PRKD2: variants seen among roughly 807,000 people sequenced by gnomAD.
PRKD2 encodes serine/threonine-protein kinase D2.
A neutral mutation model predicts 86.0 loss-of-function variants in PRKD2; 22 were observed. That is an observed-to-expected ratio of 0.26 (90% confidence interval 0.18 to 0.37). PRKD2 has a LOEUF of 0.37. Among genes scored for constraint, PRKD2 ranks in the 10% least tolerant of loss-of-function variants. The probability of loss-of-function intolerance (pLI) is 1.00; values close to 1 mark genes in which losing one functional copy is unlikely to be tolerated. For missense variants in PRKD2, 818 were observed against 1,199.2 expected, an observed-to-expected ratio of 0.68 and a Z score of 4.70; for synonymous variants, 509 against 510.9, an observed-to-expected ratio of 1.00 and a Z score of 0.05.
chr19:46,706,266 C>G (rs1030710542), intron 3 of PRKD2, among the ~76,000 whole-genome samples: 1 of 152,174 alleles, frequency 6.6e-6, no homozygotes, highest in Non-Finnish European at 1.5e-5. Flanking sequence ...CCAGTGATTC[C>G]AAACGATTCC....
intron 16 of PRKD2, among the ~76,000 whole-genome samples, chr19:46,677,837 G>A (rs1393916699): frequency 1.3e-5 from 2 of 152,094 alleles, no homozygotes; most frequent in Non-Finnish European, 2.9e-5. Flanking sequence ...CCACGGCCAC[G>A]TCCCTAGACT....
Position 46,716,331 on chromosome 19 carries a change from A to C in PRKD2, c.40T>G (p.Ser14Ala). 4.1e-6 allele frequency: 6 copies of C among 1,477,468 alleles called. No homozygotes were observed. In the Middle Eastern group the frequency reaches 7.0e-4, roughly 172 times the overall value. 91.5% of individuals were successfully genotyped at this position (1,477,468 alleles called of 1,614,324 possible). A position where few individuals can be genotyped will look rare whatever the true frequency, so the allele number is the denominator to read the frequency against. ...APSYPAGLPGSPGPGSPPPPG... is the reference protein window; with the variant it reads ...APSYPAGLPGAPGPGSPPPPG... ...GGCGGAGGAGACCCCGGCCCGGGAG[A>C]GCCAGGGAGCCCGGCGGGATAAGAG... Residue 14 changes from serine (S) to alanine (A), a missense_variant, in exon 1 of 18, where the codon TCT becomes GCT. Around this residue, in one of 5 missense-constraint regions of PRKD2, gnomAD observed 403 missense variants for 518.6 expected, o/e 0.78. Transcript: ENST00000291281. The surrounding 1 kb of genome is among the most constrained non-coding windows in gnomAD (Gnocchi z 7.9).
chr19:46,687,182 C>T (rs1405432019), intron 14 of PRKD2, among the ~76,000 whole-genome samples: 1 of 151,852 alleles, frequency 6.6e-6, no homozygotes, highest in Admixed American at 6.6e-5. Context: ...CACTTGAGCC[C>T]AGGAGTTGAA....
rs2053512697 is a variant in PRKD2 at position 46,693,564 on chromosome 19, G to A, written c.1576+311C>T. Among the ~76,000 whole-genome samples, 1 of 152,116 alleles carries A rather than the reference G, an allele frequency of 6.6e-6. No individual in the cohort carries two copies. The highest frequency in any genetic ancestry group is 1.5e-5 in the Non-Finnish European group (1 of 68,024). On this transcript the variant is annotated intron_variant, in intron 10 of 17. Transcript: ENST00000291281. The surrounding 1 kb of genome is among the most constrained non-coding windows in gnomAD (Gnocchi z 4.5). ...CAATTCTCCTGCCTCAGCCTTCCAAGTACCTGGAACTACAGGTGTGCACCA... is the reference window on the plus strand; with the variant it reads ...CAATTCTCCTGCCTCAGCCTTCCAAATACCTGGAACTACAGGTGTGCACCA...
At chr19:46,710,482 C>G (rs1249380808) in intron 3 of PRKD2, 1 of 159,896 alleles carries the variant, frequency 6.3e-6, no homozygotes, top group Admixed American at 6.3e-5. Context: ...CCCACTGTGC[C>G]CAGCCAGATT....
In PRKD2 at chr19:46,704,302, C is replaced by G; in HGVS notation, c.756G>C (p.Glu252Asp). The G allele has an allele frequency of 6.2e-7, 1 of 1,614,206 alleles. No homozygotes were observed. Among genetic ancestry groups the G allele is most frequent in the Non-Finnish European group, 8.5e-7 (1 of 1,180,028 alleles). Residue 252 changes from glutamate to aspartate, a missense_variant, in exon 5 of 18, where the codon GAG becomes GAC. Coordinates refer to ENST00000291281, the MANE Select transcript of PRKD2 (RefSeq NM_016457.5). ...SASSYTGRPIELDKMLLSKVK... is the reference protein window; with the variant it reads ...SASSYTGRPIDLDKMLLSKVK... ...CCTTGGAGAGCAGCATCTTGTCCAG[C>G]TCAATGGGGCGGCCCGTATACGATG...
At chr19:46,680,782 C>T (rs1599811056) in intron 15 of PRKD2, among the ~76,000 whole-genome samples, 1 of 150,390 alleles carries the variant, frequency 6.6e-6, no homozygotes, top group East Asian at 2.0e-4. Flanking sequence ...TAGCTCACTT[C>T]AGACTTGAAC....
Position 46,710,911 on chromosome 19 carries a change from G to T in PRKD2, c.507C>A (p.Cys169Ter), listed in dbSNP as rs1188963196. 1 of 1,509,956 alleles carries T rather than the reference G, an allele frequency of 6.6e-7. No homozygotes were observed. The allele number at this position is 1,509,956 out of a possible 1,614,324, so 93.5% of individuals were successfully genotyped here. The change falls in exon 3 of 18, where the codon TGC becomes TGA. Residue 169 changes from cysteine to a stop codon, truncating the protein, a stop_gained. Coordinates refer to ENST00000291281, the MANE Select transcript of PRKD2 (RefSeq NM_016457.5). LOFTEE classifies it high-confidence loss of function. Reference protein sequence around the residue: ...LFGLVRQGLKCDGCGLNYHKR... With the variant: ...LFGLVRQGLK ...CCCCAACCCTTTAGCTCTCACCATC[G>T]CACTTGAGGCCCTGGCGCACTAGGC...
chr19:46,703,992 C>CAA (rs1555830842), intron 5 of PRKD2, among the ~76,000 whole-genome samples, 177 bp downstream of exon 5: 2 of 150,200 alleles, frequency 1.3e-5, no homozygotes, highest in Non-Finnish European at 3.0e-5. Context: ...CACACACACA[C>CAA]AACTGAGGTT....
chr19:46,700,001 C>T (rs575529233), intron 7 of PRKD2, among the ~76,000 whole-genome samples: 2 of 151,364 alleles, frequency 1.3e-5, no homozygotes, highest in South Asian at 2.1e-4. Flanking sequence ...TTTGGGAGGC[C>T]GAGGCAGGTG....
chr19:46,700,689 G>A, intron 7 of PRKD2, 110 bp downstream of exon 7: 1 of 1,399,922 alleles, frequency 7.1e-7, no homozygotes, highest in Non-Finnish European at 9.6e-7. Context: ...CAGGAACTGG[G>A]AAAATTTATA....
intron 12 of PRKD2, 68 bp downstream of exon 12, chr19:46,691,667 A>G: frequency 6.7e-7 from 1 of 1,485,714 alleles, no homozygotes; most frequent in East Asian, 2.3e-5. Flanking sequence ...CCAGAAAGAA[A>G]GGGCTGGAGC....
chr19:46,714,004 G>A lies in PRKD2; in HGVS notation c.241-3C>T. On this transcript the variant is annotated splice_polypyrimidine_tract_variant and splice_region_variant and intron_variant, in intron 1 of 17. Coordinates refer to ENST00000291281, the MANE Select transcript of PRKD2 (RefSeq NM_016457.5). ...CCGTAGAAGCCACACTCAGGGAACT[G>A]AGGGGCGGGAGAGGGATGTGGCGAC... The A allele has an allele frequency of 6.2e-7, 1 of 1,613,034 alleles. No individual in the cohort carries two copies. The highest frequency in any genetic ancestry group is 8.5e-7 in the Non-Finnish European group (1 of 1,179,510).
At chr19:46,704,988 C>T (rs1265398828) in intron 3 of PRKD2, among the ~76,000 whole-genome samples, 2 of 151,522 alleles carry the variant, frequency 1.3e-5, no homozygotes, top group African/African-American at 4.9e-5. Context: ...TGTAGCCCTG[C>T]CATCACCCCA....
chr19:46,710,884 G>A, intron 3 of PRKD2, 23 bp downstream of exon 3: 8 of 590,898 alleles, frequency 1.4e-5, no homozygotes, highest in Non-Finnish European at 1.9e-5. Context: ...CCCAGGCCCC[G>A]CCCCCAACCC....
At chr19:46,682,295 C>T (rs958211174) in intron 14 of PRKD2, among the ~76,000 whole-genome samples, 21 of 152,168 alleles carry the variant, frequency 1.4e-4, no homozygotes, top group Admixed American at 2.6e-4. Context: ...CGTGAGCCAC[C>T]GGGCCCAGAC....
chr19:46,690,155 C>G (rs1340127655), intron 13 of PRKD2, among the ~76,000 whole-genome samples: 1 of 151,994 alleles, frequency 6.6e-6, no homozygotes, highest in South Asian at 2.1e-4. Flanking sequence ...AAATCCATAC[C>G]CCCTCTCACA....
chr19:46,680,937 TA>T lies in PRKD2; in HGVS notation c.2070+712del, dbSNP rs1568714530. On this transcript the variant is annotated intron_variant, in intron 15 of 17. Coordinates refer to ENST00000291281, the MANE Select transcript of PRKD2 (RefSeq NM_016457.5). ...TGTTGGGATAAACTATATATATATA[TA>T]TATATATATTTTTTTTTTTTTTTTT... Among the ~76,000 whole-genome samples, 211 of 51,242 alleles carry T rather than the reference TA, an allele frequency of 4.1e-3. 4 individuals are homozygous for T. In the South Asian group the frequency reaches 0.062, roughly 15 times the overall value. 33.6% of individuals were successfully genotyped at this position (51,242 alleles called of 152,430 possible).
At chr19:46,690,116 G>C (rs1176058155) in intron 13 of PRKD2, among the ~76,000 whole-genome samples, 3 of 152,046 alleles carry the variant, frequency 2.0e-5, no homozygotes, top group Non-Finnish European at 4.4e-5. Flanking sequence ...TTGGAGAAAT[G>C]GGGAGAGCTC....
Sources: gnomAD v4.1 joint callset for allele counts (sites outside exome capture counted in the v4.1 genomes callset) on GRCh38, gnomAD v4.1.1 for gene constraint, gnomAD v4.1.1 regional missense constraint, Gnocchi (gnomAD v3.1) non-coding constraint, MANE v1.5 for transcripts, NCBI Gene and HGNC (gene_info 2026-07-23, HGNC 2026-07-21) for gene names.